Variants in SPEN observed in about 807,000 individuals in gnomAD.
SPEN encodes msx2-interacting protein.
Under a neutral mutation model 269.9 loss-of-function variants are expected in SPEN, and 18 were observed. The observed-to-expected ratio is 0.07, with a 90% CI of 0.05 to 0.10. The LOEUF (loss-of-function observed/expected upper bound fraction) is 0.10. Among genes scored for constraint, SPEN ranks in the 10% least tolerant of loss-of-function variants. SPEN has a pLI of 1.00. For synonymous variants in SPEN, 1,726 were observed against 1,765.7 expected, an observed-to-expected ratio of 0.98 and a Z score of 0.56; for missense variants, 3,822 against 4,631.2, an observed-to-expected ratio of 0.83 and a Z score of 5.07.
chr1:15,937,543 A>G lies in SPEN; in HGVS notation c.10407A>G (p.Pro3469=). 6.2e-7 allele frequency: 1 copy of G among 1,614,036 alleles called. No homozygotes were observed. Among genetic ancestry groups the G allele is most frequent in the Non-Finnish European group, 8.5e-7 (1 of 1,180,006 alleles). ...VPTTSGPSTP[P]GLVLPHTEFQ... ...CAACCTCTGGCCCCAGCACCCCACC[A>G]GGACTGGTTCTGCCACACACTGAAT... Residue 3469 remains proline (P), a synonymous_variant, in exon 12 of 15, where the codon CCA becomes CCG. Transcript: ENST00000375759. This position sits in a 1 kb window ranked among gnomAD's most constrained non-coding sequence, Gnocchi z 5.7.
At position 15,939,538 on chromosome 1, in the gene SPEN, C is replaced by T; in HGVS notation, c.*111C>T. The stretch of plus-strand genomic sequence containing the variant: ...CTGCCGAAGGGGACAGACTCCACTG[C>T]CAGACGGCCAGCCGTTTGCTGTCCT... On this transcript the variant is annotated 3_prime_UTR_variant, in exon 15 of 15. Transcript: ENST00000375759. This position sits in a 1 kb window ranked among gnomAD's most constrained non-coding sequence, Gnocchi z 4.1. The T allele has an allele frequency of 7.5e-7, 1 of 1,329,324 alleles. No homozygotes were observed. The highest frequency in any genetic ancestry group is 2.8e-5 in the East Asian group (1 of 36,288). The allele number at this position is 1,329,324 out of a possible 1,614,324, so 82.3% of individuals were successfully genotyped here. A position where few individuals can be genotyped will look rare whatever the true frequency, so the allele number is the denominator to read the frequency against.
chr1:15,936,244 C>T lies in SPEN; in HGVS notation c.10004C>T (p.Ser3335Phe). Residue 3335 changes from serine to phenylalanine, a missense_variant, in exon 11 of 15, where the codon TCC (serine) becomes TTC (phenylalanine). This residue lies in a region of SPEN where 359 missense variants were observed against 377.3 expected (regional missense o/e 0.95). Coordinates refer to ENST00000375759, the MANE Select transcript of SPEN (RefSeq NM_015001.3). ...FPAASSVGLP[S>F]RTKTAAQGPP... ...GCCGCTTCCTCTGTTGGCCTGCCTT[C>T]CCGGACCAAGACAGCTGCTCAGGTG... The T allele has an allele frequency of 6.4e-7, 1 of 1,553,972 alleles. No individual in the cohort carries two copies.
intron 3 of SPEN, among the ~76,000 whole-genome samples, chr1:15,906,386 A>T (rs1489001942): frequency 2.6e-5 from 4 of 151,684 alleles, no homozygotes; most frequent in Admixed American, 1.3e-4. Flanking sequence ...TTATTTTCCT[A>T]CATTTCAAAC....
At chr1:15,872,723 A>G (rs1171461425) in intron 1 of SPEN, 93 bp from the exon 2 acceptor site, 17 of 988,874 alleles carry the variant, frequency 1.7e-5, no homozygotes, top group African/African-American at 3.2e-5. Context: ...CGTCCCTCCT[A>G]CATACATAAC....
intron 3 of SPEN, among the ~76,000 whole-genome samples, chr1:15,888,037 C>A (rs2070753134): frequency 6.6e-6 from 1 of 151,578 alleles, no homozygotes; most frequent in Admixed American, 6.6e-5. Context: ...CAATAAAAAC[C>A]CCAAAATTAA....
chr1:15,874,771 A>C (rs1190107459), intron 2 of SPEN, among the ~76,000 whole-genome samples: 2 of 152,230 alleles, frequency 1.3e-5, no homozygotes, highest in African/African-American at 4.8e-5. Flanking sequence ...TCAGAACTGT[A>C]GTAAATAAAA....
At chr1:15,906,167 T>A (rs1439100556) in intron 3 of SPEN, among the ~76,000 whole-genome samples, 1 of 152,210 alleles carries the variant, frequency 6.6e-6, no homozygotes, top group Non-Finnish European at 1.5e-5. Flanking sequence ...AAGATTGATT[T>A]CATTAAACCC....
At chr1:15,869,055 A>G (rs2070546245) in intron 1 of SPEN, among the ~76,000 whole-genome samples, 1 of 151,994 alleles carries the variant, frequency 6.6e-6, no homozygotes, top group African/African-American at 2.4e-5. Flanking sequence ...TAAATTAATT[A>G]TTTATTAATT....
chr1:15,933,898 G>C lies in SPEN; in HGVS notation c.7658G>C (p.Ser2553Thr). The C allele has an allele frequency of 1.9e-6, 3 of 1,613,968 alleles. No homozygotes were observed. The highest frequency in any genetic ancestry group is 2.5e-6 in the Non-Finnish European group (3 of 1,180,036). ...YVSATSVTST[S>T]VTTAIAEPVS... ...TCTGCCACAAGTGTCACTTCCACAA[G>C]TGTCACCACAGCCATTGCAGAGCCT... The change falls in exon 11 of 15, where the codon AGT becomes ACT. Residue 2553 changes from serine (S) to threonine (T), a missense_variant. Physicochemically the swap from Ser to Thr is moderately conservative, Grantham distance 58. Coordinates refer to ENST00000375759, the MANE Select transcript of SPEN (RefSeq NM_015001.3). The surrounding 1 kb of genome is among the most constrained non-coding windows in gnomAD (Gnocchi z 5.7).
At position 15,909,477 on chromosome 1, in the gene SPEN, T is replaced by A. The variant is rs181115935; in HGVS notation, c.1038T>A (p.Ser346=). 3.6e-5 allele frequency: 58 copies of A among 1,613,892 alleles called. 1 individual carries two copies. In the Admixed American group the frequency reaches 7.5e-4, roughly 21 times the overall value. Residue 346 remains serine (S), a synonymous_variant, in exon 4 of 15, where the codon TCT becomes TCA. Coordinates refer to ENST00000375759, the MANE Select transcript of SPEN (RefSeq NM_015001.3). ...AGGTCCAGAATCTTCCAGTACGCTC[T>A]ACAGGTAAAATTTTGTGTGAATGTC... is the stretch of plus-strand genomic sequence containing the variant. ...GIKVQNLPVR[S]TDTSLKDGLF...
chr1:15,859,358 CTTT>C (rs143092339), intron 1 of SPEN, among the ~76,000 whole-genome samples: 1 of 115,604 alleles, frequency 8.7e-6, no homozygotes. Context: ...TTTTTCTTTT[CTTT>C]TTTTTTTTTT....
At position 15,891,352 on chromosome 1, in the gene SPEN, ATTTTTTTTT is replaced by A. The variant is rs34925405; in HGVS notation, c.881+14683_881+14691del. 1.4e-5 allele frequency among the ~76,000 whole-genome samples: 2 copies of A among 138,870 alleles called. 1 individual carries two copies. Among genetic ancestry groups the A allele is most frequent in the Non-Finnish European group, 3.1e-5 (2 of 63,622 alleles). The allele number at this position is 138,870 out of a possible 152,430, so 91.1% of individuals were successfully genotyped here. On this transcript the variant is annotated intron_variant, in intron 3 of 14. Coordinates refer to ENST00000375759, the MANE Select transcript of SPEN (RefSeq NM_015001.3). ...TAGACATGCCACCACACTTAGCTAA[ATTTTTTTTT>A]TTTTTTTTGAGATGGAGTCTGGCTC...
intron 3 of SPEN, among the ~76,000 whole-genome samples, chr1:15,893,946 A>T (rs984105483): frequency 6.6e-6 from 1 of 152,162 alleles, no homozygotes; most frequent in Non-Finnish European, 1.5e-5. Flanking sequence ...CTGAAGCTTA[A>T]GAATCACTTG....
In SPEN at chr1:15,932,491, G is replaced by C; in HGVS notation, c.6251G>C (p.Arg2084Thr). 1 of 1,609,316 alleles carries C rather than the reference G, an allele frequency of 6.2e-7. No homozygotes were observed. Among genetic ancestry groups the C allele is most frequent in the Middle Eastern group, 1.7e-4 (1 of 6,046 alleles). The change falls in exon 11 of 15, where the codon AGG becomes ACG. Residue 2084 changes from arginine to threonine, a missense_variant. Arg to Thr is a moderately conservative substitution (Grantham distance 71). Around this residue, in one of 16 missense-constraint regions of SPEN, gnomAD observed 727 missense variants for 737.9 expected, o/e 0.99. Transcript: ENST00000375759. This position sits in a 1 kb window ranked among gnomAD's most constrained non-coding sequence, Gnocchi z 4.2. ...AAGAGAGGAAGATCTCGAAACTCCA[G>C]GTTAGCAGTGGACAAATCTGCAAGT... ...KSKRGRSRNS[R>T]LAVDKSASLK...
chr1:15,860,640 G>A (rs1049456067), intron 1 of SPEN, among the ~76,000 whole-genome samples: 1 of 150,682 alleles, frequency 6.6e-6, no homozygotes, highest in Admixed American at 6.6e-5. Context: ...GTCTTGCTCT[G>A]TCTCCAGGCT....
At chr1:15,922,193 T>C (rs1386036435) in intron 9 of SPEN, 56 bp from the exon 10 acceptor site, 1 of 1,311,586 alleles carries the variant, frequency 7.6e-7, no homozygotes, top group Non-Finnish European at 1.1e-6. Context: ...TCTGATAACA[T>C]TTTTCCATCA....
rs181891870 is a variant in SPEN at position 15,934,570 on chromosome 1, C to A, written c.8330C>A (p.Ala2777Glu). 2.5e-6 allele frequency: 4 copies of A among 1,613,946 alleles called. No homozygotes were observed. In the African/African-American group the frequency reaches 5.3e-5, roughly 22 times the overall value. ...CCGTCAACAAAGTGCAAACAGAGAG[C>A]GAGTGCTAATGAAAACAGTCGGTTC... Reference protein sequence around the residue: ...IAPSTKCKQRASANENSRFHP... With the variant: ...IAPSTKCKQRESANENSRFHP... The change falls in exon 11 of 15, where the codon GCG (alanine) becomes GAG (glutamate). Residue 2777 changes from alanine (A) to glutamate (E), a missense_variant. Around this residue, in one of 16 missense-constraint regions of SPEN, gnomAD observed 329 missense variants for 431.2 expected, o/e 0.76. Coordinates refer to ENST00000375759, the MANE Select transcript of SPEN (RefSeq NM_015001.3). This position sits in a 1 kb window ranked among gnomAD's most constrained non-coding sequence, Gnocchi z 9.2.
At chr1:15,908,689 C>T (rs1010104417) in intron 3 of SPEN, among the ~76,000 whole-genome samples, 2 of 152,138 alleles carry the variant, frequency 1.3e-5, no homozygotes, top group African/African-American at 4.8e-5. Flanking sequence ...GCTGGCATTA[C>T]AGGCGTGAGC....
chr1:15,876,399 A>G lies in SPEN; in HGVS notation c.602A>G (p.Tyr201Cys), dbSNP rs773614303. 4.2e-5 allele frequency: 67 copies of G among 1,614,030 alleles called. No individual in the cohort carries two copies. Among genetic ancestry groups the G allele is most frequent in the East Asian group, 2.2e-5 (1 of 44,892 alleles). ...CGCTTTGATGCTCATGACCCCCGAT[A>G]TGAACCTAGGGCTCGCGAGCAGTTT... is the stretch of plus-strand genomic sequence containing the variant. Reference protein sequence around the residue: ...PNRFDAHDPRYEPRAREQFTL... With the variant: ...PNRFDAHDPRCEPRAREQFTL... The change falls in exon 3 of 15, where the codon TAT (tyrosine) becomes TGT (cysteine). Residue 201 changes from tyrosine (Y) to cysteine (C), a missense_variant. Tyr to Cys is a radical substitution (Grantham distance 194). Transcript: ENST00000375759.
Sources: gnomAD v4.1 joint callset for allele counts (sites outside exome capture counted in the v4.1 genomes callset) on GRCh38, gnomAD v4.1.1 for gene constraint, gnomAD v4.1.1 regional missense constraint, Gnocchi (gnomAD v3.1) non-coding constraint, MANE v1.5 for transcripts, NCBI Gene and HGNC (gene_info 2026-07-23, HGNC 2026-07-21) for gene names.